The following NXPH1 variants were observed in gnomAD, a reference collection of about 807,000 sequenced individuals.
The protein encoded by NXPH1 is neurexophilin-1.
In NXPH1, 5 loss-of-function variants were observed where a neutral mutation model predicts 23.7. The ratio of observed to expected loss-of-function variants is 0.21; its 90% CI spans 0.11 to 0.44. The LOEUF (loss-of-function observed/expected upper bound fraction) is 0.44, where lower values mean the gene tolerates loss of function less well. Ranked by LOEUF, NXPH1 falls within the 20% of genes least tolerant of loss-of-function variation. The probability of loss-of-function intolerance (pLI) is 0.99; values close to 1 mark genes in which losing one functional copy is unlikely to be tolerated. For synonymous variants in NXPH1, 144 were observed against 122.2 expected (o/e 1.18, Z -1.18); for missense variants, 324 against 321.6 (o/e 1.01, Z -0.06).
At chr7:8,598,028 C>T (rs767581165) in intron 2 of NXPH1, among the ~76,000 whole-genome samples, 2 of 152,098 alleles carry the variant, frequency 1.3e-5, no homozygotes, top group Non-Finnish European at 2.9e-5. Flanking sequence ...ATAGGCTTTG[C>T]ATGATTATTA....
chr7:8,751,122 C>A lies in NXPH1; in HGVS notation c.169C>A (p.Arg57=). Residue 57 remains arginine, a synonymous_variant, in exon 3 of 3, where the codon CGA becomes AGA. Coordinates refer to ENST00000405863, the MANE Select transcript of NXPH1 (RefSeq NM_152745.3). This position sits in a 1 kb window ranked among gnomAD's most constrained non-coding sequence, Gnocchi z 4.5. ...AAGCAGCAAAGACTTGTCTATCAGC[C>A]GACTCCTGTCACAGACTTTTCGTGG... The part of the protein sequence containing the change: ...TESSKDLSIS[R]LLSQTFRGKE... 6.2e-7 allele frequency: 1 copy of A among 1,613,758 alleles called. No individual in the cohort carries two copies. The highest frequency in any genetic ancestry group is 8.5e-7 in the Non-Finnish European group (1 of 1,179,782).
At chr7:8,516,552 C>T (rs1486972866) in intron 2 of NXPH1, among the ~76,000 whole-genome samples, 1 of 152,104 alleles carries the variant, frequency 6.6e-6, no homozygotes, top group Non-Finnish European at 1.5e-5. Context: ...CTTGATCCTG[C>T]TGGGGTTTCC....
chr7:8,534,132 A>T (rs1476332052), intron 2 of NXPH1, among the ~76,000 whole-genome samples: 3 of 152,142 alleles, frequency 2.0e-5, no homozygotes, highest in Non-Finnish European at 4.4e-5. Flanking sequence ...AGATCAAGCT[A>T]TCACTTTATA....
intron 2 of NXPH1, among the ~76,000 whole-genome samples, chr7:8,535,012 CATTTAAT>C (rs34746196): frequency 0.012 from 1,825 of 152,154 alleles, 33 homozygotes; most frequent in African/African-American, 0.041. Context: ...GTTTACATAT[CATTTAAT>C]ATTTAGACAT....
intron 2 of NXPH1, among the ~76,000 whole-genome samples, chr7:8,575,574 T>C (rs1818737965): frequency 1.3e-5 from 2 of 152,312 alleles, no homozygotes; most frequent in Admixed American, 6.5e-5. Flanking sequence ...TGCTAACTTT[T>C]CTGCAGAAAG....
At chr7:8,646,321 G>A (rs745889945) in intron 2 of NXPH1, among the ~76,000 whole-genome samples, 16 of 151,882 alleles carry the variant, frequency 1.1e-4, no homozygotes, top group Non-Finnish European at 2.1e-4. Flanking sequence ...ATTTTTGTAC[G>A]TTTATCTCAT....
chr7:8,688,322 C>T (rs2882246), intron 2 of NXPH1, among the ~76,000 whole-genome samples: 45,279 of 152,008 alleles, frequency 0.3, 7,046 homozygotes, highest in East Asian at 0.44. Flanking sequence ...ATTATAAATT[C>T]GTTTACATAT....
At chr7:8,645,280 A>T (rs1374681255) in intron 2 of NXPH1, among the ~76,000 whole-genome samples, 1 of 152,094 alleles carries the variant, frequency 6.6e-6, no homozygotes, top group Non-Finnish European at 1.5e-5. Context: ...GTACATTTCC[A>T]CAAGTTCTAT....
chr7:8,661,666 A>G (rs1820676115), intron 2 of NXPH1, among the ~76,000 whole-genome samples: 1 of 152,186 alleles, frequency 6.6e-6, no homozygotes, highest in South Asian at 2.1e-4. Context: ...CAAAAATGTA[A>G]GCGAAATTTA....
chr7:8,613,631 A>G lies in NXPH1; in HGVS notation c.55-137377A>G, dbSNP rs368345417. On this transcript the variant is annotated intron_variant, in intron 2 of 2. Coordinates refer to ENST00000405863, the MANE Select transcript of NXPH1 (RefSeq NM_152745.3). The stretch of plus-strand genomic sequence containing the variant: ...AGGGACCAGCAACCATTATCTATCT[A>G]TGGTTCAGAATACAGTTAGTAGAGG... Among the ~76,000 whole-genome samples, 10 of 151,994 alleles carry G rather than the reference A, an allele frequency of 6.6e-5. No individual in the cohort carries two copies. The South Asian group carries it at 1.5e-3, about 22-fold the overall frequency.
intron 2 of NXPH1, among the ~76,000 whole-genome samples, chr7:8,587,332 TG>T (rs1819000041): frequency 1.3e-5 from 2 of 151,870 alleles, no homozygotes; most frequent in African/African-American, 4.8e-5. Flanking sequence ...AGTGCAGTTT[TG>T]CTATGTTGCC....
chr7:8,538,609 G>T (rs998395240), intron 2 of NXPH1, among the ~76,000 whole-genome samples: 1 of 151,892 alleles, frequency 6.6e-6, no homozygotes, highest in Admixed American at 6.6e-5. Context: ...TCAATAAATA[G>T]TATCTATCTT....
chr7:8,552,102 C>CA (rs1280199112), intron 2 of NXPH1, among the ~76,000 whole-genome samples: 1 of 87,266 alleles, frequency 1.1e-5, no homozygotes, highest in Admixed American at 1.3e-4. Context: ...CAATTGTCTG[C>CA]AGAAAAAAAA....
At chr7:8,578,854 C>T (rs1818807412) in intron 2 of NXPH1, among the ~76,000 whole-genome samples, 1 of 152,138 alleles carries the variant, frequency 6.6e-6, no homozygotes, top group Admixed American at 6.5e-5. Flanking sequence ...TACAAGATTG[C>T]AGGAGTTATC....
chr7:8,730,853 T>C (rs1025558055), intron 2 of NXPH1, among the ~76,000 whole-genome samples: 10 of 151,152 alleles, frequency 6.6e-5, no homozygotes, highest in East Asian at 5.8e-4. Context: ...ATCTTTGTGG[T>C]GTTCTCTGTA....
chr7:8,521,185 A>T (rs1354029998), intron 2 of NXPH1, among the ~76,000 whole-genome samples: 1 of 152,056 alleles, frequency 6.6e-6, no homozygotes, highest in Non-Finnish European at 1.5e-5. Context: ...GCACTTAAAG[A>T]CTCTAGAGTG....
chr7:8,609,506 T>C (rs1819571667), intron 2 of NXPH1, among the ~76,000 whole-genome samples: 1 of 152,086 alleles, frequency 6.6e-6, no homozygotes, highest in African/African-American at 2.4e-5. Context: ...AACTCAGAAC[T>C]GAGATTATGA....
intron 2 of NXPH1, among the ~76,000 whole-genome samples, chr7:8,518,871 A>G (rs1438295387): frequency 2.0e-5 from 3 of 152,142 alleles, no homozygotes; most frequent in Non-Finnish European, 4.4e-5. Flanking sequence ...TATAGGGGCA[A>G]GTTCTTAAAT....
At chr7:8,688,362 A>G (rs1821178588) in intron 2 of NXPH1, among the ~76,000 whole-genome samples, 1 of 152,178 alleles carries the variant, frequency 6.6e-6, no homozygotes, top group Non-Finnish European at 1.5e-5. Flanking sequence ...TGTAAATGTT[A>G]TCTTCTATTA....
Sources: allele counts gnomAD v4.1 joint callset (sites outside exome capture counted in the v4.1 genomes callset), GRCh38; gene constraint gnomAD v4.1.1; non-coding constraint Gnocchi (gnomAD v3.1); transcripts MANE v1.5; gene names NCBI Gene and HGNC (gene_info 2026-07-23, HGNC 2026-07-21).